Variants in FHIT observed in about 807,000 individuals in gnomAD.
The protein encoded by FHIT is bis(5'-adenosyl)-triphosphatase.
In FHIT, 19 loss-of-function variants were observed where a neutral mutation model predicts 17.9. That is an observed-to-expected ratio of 1.06 (90% CI 0.74 to 1.56). The LOEUF is 1.56. Among genes scored for constraint, FHIT ranks in the 40% most tolerant of loss-of-function variants. The pLI is 0.00. For synonymous variants in FHIT, 81 were observed against 69.7 expected (o/e 1.16, Z -0.81); for missense variants, 248 against 189.2 (o/e 1.31, Z -1.82).
At chr3:60,007,093 T>G (rs527447688) in intron 7 of FHIT, among the ~76,000 whole-genome samples, 1 of 152,232 alleles carries the variant, frequency 6.6e-6, no homozygotes, top group African/African-American at 2.4e-5. Flanking sequence ...AAGCATAATC[T>G]ATAAACAGTT....
chr3:59,808,485 C>T (rs551981082), intron 8 of FHIT, among the ~76,000 whole-genome samples: 24 of 152,320 alleles, frequency 1.6e-4, no homozygotes, highest in African/African-American at 4.1e-4. Flanking sequence ...CTCTACCCTA[C>T]GGTAAAACTC....
chr3:60,868,799 C>T (rs1241352860), intron 3 of FHIT, among the ~76,000 whole-genome samples: 2 of 152,064 alleles, frequency 1.3e-5, no homozygotes, highest in Non-Finnish European at 2.9e-5. Flanking sequence ...AGCTCCAGGC[C>T]GTAATCTCAG....
At chr3:60,329,637 C>T (rs776589001) in intron 5 of FHIT, among the ~76,000 whole-genome samples, 3 of 152,136 alleles carry the variant, frequency 2.0e-5, no homozygotes, top group Admixed American at 6.5e-5. Context: ...AGCCAAGCAC[C>T]GTAAGACTCT....
intron 4 of FHIT, among the ~76,000 whole-genome samples, chr3:60,551,442 GAGAA>G (rs151253587): frequency 1.0e-4 from 6 of 60,190 alleles, no homozygotes; most frequent in African/African-American, 3.0e-4. Flanking sequence ...GAAATATAGT[GAGAA>G]AGAAAGAAAG....
chr3:59,876,020 A>G (rs1000600683), intron 8 of FHIT, among the ~76,000 whole-genome samples: 1 of 152,068 alleles, frequency 6.6e-6, no homozygotes, highest in Non-Finnish European at 1.5e-5. Context: ...TCTTTATTCC[A>G]GTATAGAGAC....
chr3:60,101,300 C>A (rs1198488252), intron 5 of FHIT, among the ~76,000 whole-genome samples: 1 of 152,212 alleles, frequency 6.6e-6, no homozygotes, highest in Non-Finnish European at 1.5e-5. Flanking sequence ...ATGGCCATGT[C>A]CACCTCGGGC....
At chr3:60,929,583 G>A (rs1707839277) in intron 3 of FHIT, among the ~76,000 whole-genome samples, 1 of 151,674 alleles carries the variant, frequency 6.6e-6, no homozygotes, top group South Asian at 2.1e-4. Context: ...CAAACAGAGC[G>A]CCAAATCATG....
chr3:60,923,123 C>G (rs1553768811), intron 3 of FHIT, among the ~76,000 whole-genome samples: 1 of 152,184 alleles, frequency 6.6e-6, no homozygotes, highest in African/African-American at 2.4e-5. Context: ...CTACAATCTG[C>G]AAGTGGTTTA....
chr3:60,319,883 A>AG (rs1709343165), intron 5 of FHIT, among the ~76,000 whole-genome samples: 2 of 152,158 alleles, frequency 1.3e-5, no homozygotes, highest in Non-Finnish European at 2.9e-5. Flanking sequence ...GGGAAGGGGT[A>AG]GGGTAGGTGC....
At chr3:60,243,608 G>A (rs765326273) in intron 5 of FHIT, among the ~76,000 whole-genome samples, 4 of 152,050 alleles carry the variant, frequency 2.6e-5, no homozygotes, top group Non-Finnish European at 4.4e-5. Flanking sequence ...TAGAGGCAAC[G>A]GCTCTTATTT....
chr3:59,747,372 C>T lies in FHIT; in HGVS notation c.*2213G>A, dbSNP rs894279712. On this transcript the variant is annotated 3_prime_UTR_variant, in exon 10 of 10. Coordinates refer to ENST00000492590, the MANE Select transcript of FHIT (RefSeq NM_002012.4). Reference sequence around the variant, plus strand: ...TCTTACATGGCAGCAGGCAAGACAGCGTATTCAGGGGAAATGTCCTTTATA... The same window carrying T: ...TCTTACATGGCAGCAGGCAAGACAGTGTATTCAGGGGAAATGTCCTTTATA... Among the ~76,000 whole-genome samples, 1 of 151,988 alleles carries T rather than the reference C, an allele frequency of 6.6e-6. No individual in the cohort carries two copies. The highest frequency in any genetic ancestry group is 2.4e-5 in the African/African-American group (1 of 41,360).
chr3:60,968,728 A>C (rs1709868836), intron 3 of FHIT, among the ~76,000 whole-genome samples: 1 of 152,144 alleles, frequency 6.6e-6, no homozygotes, highest in African/African-American at 2.4e-5. Context: ...TTTAAAATAA[A>C]TATTTATCTG....
intron 2 of FHIT, among the ~76,000 whole-genome samples, chr3:61,068,914 T>C (rs537997485): frequency 6.6e-6 from 1 of 152,180 alleles, no homozygotes; most frequent in Admixed American, 6.5e-5. Flanking sequence ...GACCAGAGAA[T>C]AGAGAAACAA....
chr3:60,141,709 G>A (rs1700045874), intron 5 of FHIT, among the ~76,000 whole-genome samples: 1 of 152,138 alleles, frequency 6.6e-6, no homozygotes, highest in African/African-American at 2.4e-5. Context: ...GTTTTGAGCA[G>A]GTGTTTGGAA....
intron 4 of FHIT, among the ~76,000 whole-genome samples, chr3:60,612,472 A>G (rs1160958035): frequency 4.6e-5 from 7 of 152,188 alleles, no homozygotes; most frequent in Non-Finnish European, 1.0e-4. Flanking sequence ...CTTTTACACT[A>G]TTATCAGGAA....
intron 2 of FHIT, among the ~76,000 whole-genome samples, chr3:61,099,630 G>A (rs565390642): frequency 8.6e-5 from 13 of 151,998 alleles, no homozygotes; most frequent in Non-Finnish European, 1.3e-4. Context: ...GTTTCTTCCT[G>A]ATTCAGTCTT....
intron 5 of FHIT, among the ~76,000 whole-genome samples, chr3:60,281,036 A>ATCCTGAAAAAAACAGGATAAAATC (rs1395447376): frequency 9.2e-5 from 1 of 10,856 alleles, no homozygotes; most frequent in Admixed American, 9.8e-4. Context: ...AGGATAAAAT[A>ATCCTGAAAAAAACAGGATAAAATC]TTTCTTTCCA....
chr3:60,050,538 C>T (rs759239044), intron 5 of FHIT, among the ~76,000 whole-genome samples: 1 of 152,180 alleles, frequency 6.6e-6, no homozygotes, highest in Non-Finnish European at 1.5e-5. Context: ...AATGTATGTG[C>T]ATAAAATACT....
At chr3:61,201,597 A>G (rs971034273) in intron 1 of FHIT, among the ~76,000 whole-genome samples, 2 of 151,808 alleles carry the variant, frequency 1.3e-5, no homozygotes, top group African/African-American at 4.8e-5. Context: ...GTTTCCCTCC[A>G]CATCCCTCTA....
Sources: gnomAD v4.1 joint callset for allele counts (sites outside exome capture counted in the v4.1 genomes callset) on GRCh38, gnomAD v4.1.1 for gene constraint, MANE v1.5 for transcripts, NCBI Gene and HGNC (gene_info 2026-07-23, HGNC 2026-07-21) for gene names.